The following WNT9A variants were observed in gnomAD, a reference collection of about 807,000 sequenced individuals.
WNT9A encodes Wnt family member 9A.
In WNT9A, 8 loss-of-function variants were observed where a neutral mutation model predicts 31.4. The observed-to-expected ratio is 0.26, with a 90% CI of 0.15 to 0.46. The LOEUF is 0.46. Ranked by LOEUF, WNT9A falls within the 20% of genes least tolerant of loss-of-function variation. The pLI is 0.99. For synonymous variants in WNT9A, 236 were observed against 220.1 expected, an observed-to-expected ratio of 1.07 and a Z score of -0.64; for missense variants, 457 against 522.9, an observed-to-expected ratio of 0.87 and a Z score of 1.23.
At chr1:227,947,391 G>A (rs1031935819) in intron 1 of WNT9A, among the ~76,000 whole-genome samples, 4 of 152,212 alleles carry the variant, frequency 2.6e-5, no homozygotes, top group African/African-American at 9.6e-5. Context: ...AACTTCTCGA[G>A]AAGAGAAAGG....
chr1:227,943,892 G>A (rs944921316), intron 1 of WNT9A, among the ~76,000 whole-genome samples: 2 of 152,198 alleles, frequency 1.3e-5, no homozygotes, highest in Non-Finnish European at 2.9e-5. Flanking sequence ...TGAGGTGGGA[G>A]GACGGTTGAG....
At chr1:227,946,532 C>G (rs1243395611) in intron 1 of WNT9A, among the ~76,000 whole-genome samples, 1 of 152,078 alleles carries the variant, frequency 6.6e-6, no homozygotes, top group Non-Finnish European at 1.5e-5. Context: ...CAGGGCCGTA[C>G]CCACAGTTGG....
chr1:227,947,156 C>G (rs1016689309), intron 1 of WNT9A, among the ~76,000 whole-genome samples: 2 of 152,146 alleles, frequency 1.3e-5, no homozygotes, highest in African/African-American at 4.8e-5. Context: ...CACGTGAGCA[C>G]GGGCAATGAC....
intron 1 of WNT9A, among the ~76,000 whole-genome samples, chr1:227,931,656 A>T (rs1666511984): frequency 6.6e-6 from 1 of 152,218 alleles, no homozygotes; most frequent in Non-Finnish European, 1.5e-5. Flanking sequence ...GTGCTTCTAC[A>T]AGGTATGCTT....
In WNT9A at chr1:227,926,930, TGAG is replaced by T. The variant is rs1008705998; in HGVS notation, c.96-1414_96-1412del. Among the ~76,000 whole-genome samples the T allele has an allele frequency of 1.3e-5, 2 of 151,962 alleles. No homozygotes were observed. The highest frequency in any genetic ancestry group is 4.8e-5 in the African/African-American group (2 of 41,376). On this transcript the variant is annotated intron_variant, in intron 1 of 3. Coordinates refer to ENST00000272164, the MANE Select transcript of WNT9A (RefSeq NM_003395.4). This position sits in a 1 kb window ranked among gnomAD's most constrained non-coding sequence, Gnocchi z 5.0. The stretch of plus-strand genomic sequence containing the variant: ...GCCACATAGGTAACCCCAAGGCTAC[TGAG>T]GGGCACCTGCCTCCAGGGCCACAGG...
chr1:227,925,896 G>A lies in WNT9A; in HGVS notation c.96-377C>T, dbSNP rs1666413930. Among the ~76,000 whole-genome samples the A allele has an allele frequency of 1.3e-5, 2 of 152,210 alleles. No homozygotes were observed. Among genetic ancestry groups the A allele is most frequent in the East Asian group, 1.9e-4 (1 of 5,154 alleles). ...GGGCAGGGAGGAGGCTCCGGAGCCT[G>A]AATCCCAAACTATGCCTGATGGGCG... On this transcript the variant is annotated intron_variant, in intron 1 of 3. Transcript: ENST00000272164. This position sits in a 1 kb window ranked among gnomAD's most constrained non-coding sequence, Gnocchi z 6.0.
intron 1 of WNT9A, among the ~76,000 whole-genome samples, chr1:227,935,448 G>A (rs951615920): frequency 1.3e-5 from 2 of 152,224 alleles, no homozygotes; most frequent in African/African-American, 2.4e-5. Context: ...TGCAGAGCCT[G>A]GTTCACCATC....
At chr1:227,930,472 G>A (rs370203366) in intron 1 of WNT9A, among the ~76,000 whole-genome samples, 6 of 152,216 alleles carry the variant, frequency 3.9e-5, no homozygotes, top group African/African-American at 1.2e-4. Flanking sequence ...GGCCTGGGAG[G>A]TGGGGGTTGC....
intron 2 of WNT9A, 95 bp from the exon 3 acceptor site, chr1:227,924,495 T>C (rs1024643777): frequency 2.4e-5 from 36 of 1,475,572 alleles, no homozygotes; most frequent in Admixed American, 4.4e-5. Context: ...ATGAATCCCA[T>C]GTTGGGGCTC....
At chr1:227,930,441 C>A (rs57584776) in intron 1 of WNT9A, among the ~76,000 whole-genome samples, 108 of 152,298 alleles carry the variant, frequency 7.1e-4, no homozygotes, top group African/African-American at 2.6e-3. Context: ...GGAACTCGCT[C>A]CACACTCAGC....
chr1:227,930,110 A>C (rs1412920380), intron 1 of WNT9A, among the ~76,000 whole-genome samples: 2 of 152,236 alleles, frequency 1.3e-5, no homozygotes, highest in African/African-American at 4.8e-5. Context: ...CCAGTATGCC[A>C]TTCAACACAG....
rs1313029960 is a variant in WNT9A at position 227,928,587 on chromosome 1, C to G, written c.96-3068G>C. Among the ~76,000 whole-genome samples the G allele has an allele frequency of 6.6e-6, 1 of 152,222 alleles. No homozygotes were observed. The highest frequency in any genetic ancestry group is 1.9e-4 in the East Asian group (1 of 5,188). ...CCACATGCAGCCAACTGAAGGGACT[C>G]ACAGCCTCAGGGGGTGCAGGTCTGA... On this transcript the variant is annotated intron_variant, in intron 1 of 3. Transcript: ENST00000272164. This position sits in a 1 kb window ranked among gnomAD's most constrained non-coding sequence, Gnocchi z 4.5.
chr1:227,932,152 A>G (rs559715218), intron 1 of WNT9A, among the ~76,000 whole-genome samples: 49 of 152,352 alleles, frequency 3.2e-4, no homozygotes, highest in African/African-American at 1.1e-3. Flanking sequence ...TTTCACAATT[A>G]GAGTCACTCT....
intron 1 of WNT9A, among the ~76,000 whole-genome samples, chr1:227,932,126 C>T (rs944561753): frequency 7.2e-5 from 11 of 152,196 alleles, no homozygotes; most frequent in Admixed American, 3.9e-4. Flanking sequence ...TAGCATTTTA[C>T]CCACAGTGGA....
rs1410955083 is a variant in WNT9A at position 227,928,478 on chromosome 1, A to G, written c.96-2959T>C. ...CACTGAATTCTGTGCTGCTCTGGCCATGGCCTTCTTAAGCTCCTGCCCCCT... is the reference window on the plus strand; with the variant it reads ...CACTGAATTCTGTGCTGCTCTGGCCGTGGCCTTCTTAAGCTCCTGCCCCCT... On this transcript the variant is annotated intron_variant, in intron 1 of 3. Coordinates refer to ENST00000272164, the MANE Select transcript of WNT9A (RefSeq NM_003395.4). The surrounding 1 kb of genome is among the most constrained non-coding windows in gnomAD (Gnocchi z 4.5). Among the ~76,000 whole-genome samples the G allele has an allele frequency of 6.6e-6, 1 of 152,280 alleles. No individual in the cohort carries two copies. Among genetic ancestry groups the G allele is most frequent in the Non-Finnish European group, 1.5e-5 (1 of 67,998 alleles).
At position 227,947,860 on chromosome 1, in the gene WNT9A, A is replaced by G; in HGVS notation, c.28T>C (p.Trp10Arg). 1 of 1,083,844 alleles carries G rather than the reference A, an allele frequency of 9.2e-7. No individual in the cohort carries two copies. Among genetic ancestry groups the G allele is most frequent in the Non-Finnish European group, 1.1e-6 (1 of 894,302 alleles). 67.1% of individuals were successfully genotyped at this position (1,083,844 alleles called of 1,614,324 possible). A position where few individuals can be genotyped will look rare whatever the true frequency, so the allele number is the denominator to read the frequency against. The change falls in exon 1 of 4, where the codon TGG becomes CGG. Residue 10 changes from tryptophan (W) to arginine (R), a missense_variant. Transcript: ENST00000272164. The stretch of plus-strand genomic sequence containing the variant: ...GTCAGCCCGAAGGCCGCGGCCAGCC[A>G]GCGCGCCAGCGGGGACCCATCCAGC... MLDGSPLAR[W>R]LAAAFGLTLL... is the part of the protein sequence containing the mutation.
rs996281175 is a variant in WNT9A, at chr1:227,942,725, T to G, written c.95+5068A>C. Among the ~76,000 whole-genome samples, 1 of 152,090 alleles carries G rather than the reference T, an allele frequency of 6.6e-6. No individual in the cohort carries two copies. The highest frequency in any genetic ancestry group is 2.4e-5 in the African/African-American group (1 of 41,432). Reference sequence around the variant, plus strand: ...TTTCTTCCTGATGCCAGGCCCCACATGCTTCCTGGGGTGTCCTAAGTTGTT... The same window carrying G: ...TTTCTTCCTGATGCCAGGCCCCACAGGCTTCCTGGGGTGTCCTAAGTTGTT... On this transcript the variant is annotated intron_variant, in intron 1 of 3. Transcript: ENST00000272164. The surrounding 1 kb of genome is among the most constrained non-coding windows in gnomAD (Gnocchi z 5.7).
At chr1:227,936,992 G>C (rs1666605958) in intron 1 of WNT9A, among the ~76,000 whole-genome samples, 2 of 152,238 alleles carry the variant, frequency 1.3e-5, no homozygotes, top group East Asian at 3.9e-4. Context: ...GTGTCACCGA[G>C]GTGTCCTGCC....
At position 227,920,762 on chromosome 1, in the gene WNT9A, C is replaced by G. The variant is rs558760946; in HGVS notation, c.*756G>C. On this transcript the variant is annotated 3_prime_UTR_variant, in exon 4 of 4. Transcript: ENST00000272164. Reference sequence around the variant, plus strand: ...AAGCCAATGGACTGGCATGGGGAGCCGCTTCCCAGGGACTGGTGTGTTAGG... The same window carrying G: ...AAGCCAATGGACTGGCATGGGGAGCGGCTTCCCAGGGACTGGTGTGTTAGG... 2 of 152,188 alleles carry G rather than the reference C, an allele frequency of 1.3e-5. No homozygotes were observed. The highest frequency in any genetic ancestry group is 6.5e-5 in the Admixed American group (1 of 15,278). 9.4% of individuals were successfully genotyped at this position (152,188 alleles called of 1,614,324 possible).
Sources: allele counts gnomAD v4.1 joint callset (sites outside exome capture counted in the v4.1 genomes callset), GRCh38; gene constraint gnomAD v4.1.1; non-coding constraint Gnocchi (gnomAD v3.1); transcripts MANE v1.5; gene names NCBI Gene and HGNC (gene_info 2026-07-23, HGNC 2026-07-21).